Variants in FRAS1 observed in about 807,000 individuals in gnomAD.
FRAS1 encodes extracellular matrix organizing protein FRAS1.
Under a neutral mutation model 435.2 loss-of-function variants are expected in FRAS1, and 290 were observed. The ratio of observed to expected loss-of-function variants is 0.67; its 90% CI spans 0.61 to 0.73. The LOEUF (loss-of-function observed/expected upper bound fraction) is 0.73. Among genes scored for constraint, FRAS1 ranks in the 30% least tolerant of loss-of-function variants. The pLI, the probability that FRAS1 is intolerant of heterozygous loss-of-function variation, is 0.00. For synonymous variants in FRAS1, 1,800 were observed against 1,851.0 expected (o/e 0.97, Z 0.71); for missense variants, 4,860 against 5,001.5 (o/e 0.97, Z 0.85).
At chr4:78,489,114 T>C (rs1402340921) in intron 59 of FRAS1, 34 bp downstream of exon 59, 1 of 1,567,720 alleles carries the variant, frequency 6.4e-7, no homozygotes, top group Non-Finnish European at 8.7e-7. Flanking sequence ...AAGATGAGAT[T>C]CTCTTATTGT....
chr4:78,526,414 G>C, intron 69 of FRAS1, 127 bp from the exon 70 acceptor site: 1 of 601,572 alleles, frequency 1.7e-6, no homozygotes, highest in Non-Finnish European at 3.0e-6. Flanking sequence ...TTGCAGACTT[G>C]TAAAGTTCTT....
intron 25 of FRAS1, among the ~76,000 whole-genome samples, chr4:78,375,044 C>T (rs1731699190): frequency 6.6e-6 from 1 of 152,120 alleles, no homozygotes; most frequent in Non-Finnish European, 1.5e-5. Flanking sequence ...TTAAACTATA[C>T]CGTATAGCCT....
chr4:78,357,050 T>C (rs189260418), intron 20 of FRAS1, among the ~76,000 whole-genome samples: 1 of 152,298 alleles, frequency 6.6e-6, no homozygotes, highest in East Asian at 1.9e-4. Context: ...TCTCAGTTCC[T>C]TGAAGGCATC....
At chr4:78,325,395 T>C (rs958829104) in intron 18 of FRAS1, among the ~76,000 whole-genome samples, 2 of 152,058 alleles carry the variant, frequency 1.3e-5, no homozygotes, top group Non-Finnish European at 2.9e-5. Context: ...AGGCAAAGAG[T>C]TTTAATTAAA....
At chr4:78,252,317 T>A in intron 4 of FRAS1, 75 bp from the exon 5 acceptor site, 1 of 1,398,562 alleles carries the variant, frequency 7.2e-7, no homozygotes, top group Non-Finnish European at 9.9e-7. Context: ...AAGAGAAGAT[T>A]TGTTTCTATT....
At chr4:78,287,883 C>T (rs1214418299) in intron 14 of FRAS1, among the ~76,000 whole-genome samples, 4 of 152,124 alleles carry the variant, frequency 2.6e-5, no homozygotes, top group Non-Finnish European at 4.4e-5. Context: ...GTTTTGTGAT[C>T]AGCCATGTTA....
chr4:78,454,657 G>A (rs1213913664), intron 47 of FRAS1, among the ~76,000 whole-genome samples: 1 of 152,166 alleles, frequency 6.6e-6, no homozygotes, highest in Non-Finnish European at 1.5e-5. Flanking sequence ...CTTGGCTGTT[G>A]TGTTAGGCAA....
chr4:78,142,782 A>G (rs142538318), intron 2 of FRAS1, among the ~76,000 whole-genome samples: 1 of 152,312 alleles, frequency 6.6e-6, no homozygotes, highest in Non-Finnish European at 1.5e-5. Flanking sequence ...TTGTCTAAGA[A>G]GTAGTAAAAA....
At chr4:78,070,058 G>C (rs1458852743) in intron 2 of FRAS1, among the ~76,000 whole-genome samples, 1 of 151,906 alleles carries the variant, frequency 6.6e-6, no homozygotes, top group East Asian at 1.9e-4. Context: ...GCCAGTCTCT[G>C]TCCCTGACCT....
At chr4:78,508,118 G>A (rs13143325) in intron 62 of FRAS1, among the ~76,000 whole-genome samples, 49,972 of 151,936 alleles carry the variant, frequency 0.33, 8,950 homozygotes, top group South Asian at 0.52. Flanking sequence ...CTGTGGGAAG[G>A]TAGTACCAGA....
In FRAS1 at chr4:78,286,457, C is replaced by T. The variant is rs1385479384; in HGVS notation, c.1452C>T (p.Cys484=). ...TCTSGLECSS[C]QPPLLMRHGQ... is the part of the protein sequence containing the mutation. ...CCAGTGGGCTGGAGTGCTCATCCTG[C>T]CAGCCTCCCCTGCTGATGCGGCACG... The change falls in exon 14 of 74, where the codon TGC becomes TGT. Residue 484 remains cysteine, a synonymous_variant. Transcript: ENST00000512123. 1 of 1,613,600 alleles carries T rather than the reference C, an allele frequency of 6.2e-7. No homozygotes were observed. Among genetic ancestry groups the T allele is most frequent in the East Asian group, 2.2e-5 (1 of 44,892 alleles).
chr4:78,166,439 G>A (rs75896171), intron 2 of FRAS1, among the ~76,000 whole-genome samples: 1 of 151,870 alleles, frequency 6.6e-6, no homozygotes, highest in Admixed American at 6.6e-5. Flanking sequence ...TTTCTTTTTG[G>A]TCATCCTTAT....
At chr4:78,403,641 A>G (rs1013784111) in intron 30 of FRAS1, among the ~76,000 whole-genome samples, 3 of 152,218 alleles carry the variant, frequency 2.0e-5, no homozygotes, top group African/African-American at 7.2e-5. Flanking sequence ...AATTGCTTGT[A>G]TAGTATGTGC....
chr4:78,196,859 T>A (rs1487044811), intron 2 of FRAS1, among the ~76,000 whole-genome samples: 1 of 152,118 alleles, frequency 6.6e-6, no homozygotes, highest in Non-Finnish European at 1.5e-5. Context: ...CTCTGTAGAG[T>A]TTTAATGAGA....
intron 16 of FRAS1, among the ~76,000 whole-genome samples, chr4:78,316,502 T>C (rs1327585703): frequency 6.6e-6 from 1 of 152,146 alleles, no homozygotes; most frequent in African/African-American, 2.4e-5. Context: ...CTCTGTGTCC[T>C]GCCCCCACGT....
At chr4:78,224,905 G>A (rs965737894) in intron 2 of FRAS1, among the ~76,000 whole-genome samples, 2 of 152,076 alleles carry the variant, frequency 1.3e-5, no homozygotes, top group African/African-American at 4.8e-5. Flanking sequence ...AAAAAGCAGT[G>A]TCTCTATGGA....
At chr4:78,365,737 T>TAAAAAAA (rs531246410) in intron 22 of FRAS1, among the ~76,000 whole-genome samples, 3 of 132,142 alleles carry the variant, frequency 2.3e-5, no homozygotes, top group African/African-American at 8.9e-5. Context: ...TCTAGTACAT[T>TAAAAAAA]AAAAAAAAAA....
chr4:78,467,703 G>A (rs1405658601), intron 50 of FRAS1, among the ~76,000 whole-genome samples: 1 of 152,124 alleles, frequency 6.6e-6, no homozygotes, highest in African/African-American at 2.4e-5. Flanking sequence ...GTGTATGAGG[G>A]TTCCCTTTTC....
intron 61 of FRAS1, among the ~76,000 whole-genome samples, chr4:78,503,768 G>C (rs1418495577): frequency 1.3e-5 from 2 of 152,114 alleles, no homozygotes; most frequent in Admixed American, 6.5e-5. Flanking sequence ...TTGTGAATTT[G>C]TTTGCTCTTG....
Sources: gnomAD v4.1 joint callset for allele counts (sites outside exome capture counted in the v4.1 genomes callset) on GRCh38, gnomAD v4.1.1 for gene constraint, MANE v1.5 for transcripts, NCBI Gene and HGNC (gene_info 2026-07-23, HGNC 2026-07-21) for gene names.